LCORL: variants seen among roughly 807,000 people sequenced by gnomAD.
LCORL encodes ligand dependent nuclear receptor corepressor like.
A neutral mutation model predicts 141.8 loss-of-function variants in LCORL; 41 were observed. The observed-to-expected ratio is 0.29, with a 90% CI of 0.23 to 0.38. LCORL has a LOEUF of 0.38. Ranked by LOEUF, LCORL falls within the 10% of genes least tolerant of loss-of-function variation. The pLI is 1.00. For synonymous variants in LCORL, 618 were observed against 694.1 expected (o/e 0.89, Z 1.72); for missense variants, 1,759 against 2,035.0 (o/e 0.86, Z 2.61).
intron 1 of LCORL, among the ~76,000 whole-genome samples, chr4:18,002,986 A>T (rs1038800073): frequency 6.6e-6 from 1 of 152,228 alleles, no homozygotes; most frequent in African/African-American, 2.4e-5. Flanking sequence ...AATCCCAATT[A>T]GCAACAGAAA....
chr4:17,919,359 T>C (rs933279640), intron 4 of LCORL, among the ~76,000 whole-genome samples: 1 of 152,134 alleles, frequency 6.6e-6, no homozygotes, highest in African/African-American at 2.4e-5. Context: ...AGCTCTTTAA[T>C]AAAATGGAGG....
intron 5 of LCORL, among the ~76,000 whole-genome samples, chr4:17,888,993 T>G (rs1369948069): frequency 6.6e-6 from 1 of 152,124 alleles, no homozygotes; most frequent in Non-Finnish European, 1.5e-5. Flanking sequence ...CTAAGCTCTC[T>G]TAGACTTGAT....
intron 4 of LCORL, among the ~76,000 whole-genome samples, chr4:17,947,898 T>C (rs1739137377): frequency 6.6e-6 from 1 of 151,964 alleles, no homozygotes; most frequent in Non-Finnish European, 1.5e-5. Context: ...GAAACTTTTA[T>C]TTTTGCCTGG....
At chr4:17,915,711 G>C (rs934610816) in intron 4 of LCORL, among the ~76,000 whole-genome samples, 1 of 152,212 alleles carries the variant, frequency 6.6e-6, no homozygotes, top group Non-Finnish European at 1.5e-5. Flanking sequence ...CAGTAACTTA[G>C]GAAGTAGAAA....
At chr4:17,900,539 G>A (rs889974773) in intron 5 of LCORL, among the ~76,000 whole-genome samples, 25 of 152,214 alleles carry the variant, frequency 1.6e-4, no homozygotes, top group South Asian at 6.2e-4. Context: ...AGTCACTTTT[G>A]ATATCTTGCT....
chr4:17,916,383 G>A (rs1048091416), intron 4 of LCORL, among the ~76,000 whole-genome samples: 2 of 152,146 alleles, frequency 1.3e-5, no homozygotes, highest in Admixed American at 6.5e-5. Context: ...TAATAATGGG[G>A]CAGATCCCTC....
At chr4:18,004,836 G>A (rs1048997296) in intron 1 of LCORL, among the ~76,000 whole-genome samples, 3 of 152,088 alleles carry the variant, frequency 2.0e-5, no homozygotes, top group Non-Finnish European at 2.9e-5. Flanking sequence ...CAGACATTGG[G>A]TAAATAGAGC....
At position 18,001,846 on chromosome 4, in the gene LCORL, C is replaced by G. The variant is rs1185408931; in HGVS notation, c.154+19752G>C. ...TGGTAACAGGTTCATTAAAATAAAA[C>G]AAATTTTTTTTAAAAGTCTCCCAGA... On this transcript the variant is annotated intron_variant, in intron 1 of 7. Coordinates refer to ENST00000635767, the Ensembl canonical transcript of LCORL. 2.0e-5 allele frequency among the ~76,000 whole-genome samples: 3 copies of G among 152,198 alleles called. No homozygotes were observed. The East Asian group carries it at 5.8e-4, about 29-fold the overall frequency.
At chr4:17,953,504 A>C (rs888182955) in intron 4 of LCORL, among the ~76,000 whole-genome samples, 2 of 152,234 alleles carry the variant, frequency 1.3e-5, no homozygotes, top group Admixed American at 1.3e-4. Context: ...GGAATTTAGA[A>C]TCACTTATAT....
intron 5 of LCORL, among the ~76,000 whole-genome samples, chr4:17,895,884 A>C (rs1390935255): frequency 6.6e-6 from 1 of 152,120 alleles, no homozygotes. Flanking sequence ...ACTCCTTTCT[A>C]TTGTTGAATA....
chr4:17,995,206 T>C (rs1267362897), intron 1 of LCORL, among the ~76,000 whole-genome samples: 1 of 80,362 alleles, frequency 1.2e-5, no homozygotes, highest in Non-Finnish European at 2.2e-5. Context: ...CTTTTAAGCA[T>C]TTTTTTTTTT....
intron 4 of LCORL, among the ~76,000 whole-genome samples, chr4:17,935,726 A>T (rs1194810746): frequency 6.6e-6 from 1 of 152,208 alleles, no homozygotes; most frequent in African/African-American, 2.4e-5. Flanking sequence ...CTTCTTGTGA[A>T]GCCTGCAGAA....
chr4:17,881,056 T>G, intron 6 of LCORL: 1 of 977,922 alleles, frequency 1.0e-6, no homozygotes, highest in African/African-American at 1.8e-5. Flanking sequence ...AAAGTTAGTA[T>G]ACAATTTAAT....
chr4:17,952,050 A>G (rs937359657), intron 4 of LCORL, among the ~76,000 whole-genome samples: 1 of 152,224 alleles, frequency 6.6e-6, no homozygotes, highest in Non-Finnish European at 1.5e-5. Flanking sequence ...CCAGTCATAT[A>G]GCACATATTA....
At chr4:18,008,025 GT>G (rs1723097048) in intron 1 of LCORL, among the ~76,000 whole-genome samples, 2 of 152,128 alleles carry the variant, frequency 1.3e-5, no homozygotes, top group Admixed American at 6.5e-5. Flanking sequence ...GCACAGATAA[GT>G]ACAAGGAAAG....
intron 1 of LCORL, among the ~76,000 whole-genome samples, chr4:18,004,466 G>A (rs6850306): frequency 0.13 from 19,256 of 152,088 alleles, 1,358 homozygotes; most frequent in South Asian, 0.26. Context: ...TTTTAAAACC[G>A]TCCGATCTCA....
chr4:17,895,076 T>C (rs2109267987), intron 5 of LCORL, among the ~76,000 whole-genome samples: 1 of 151,302 alleles, frequency 6.6e-6, no homozygotes, highest in South Asian at 2.1e-4. Context: ...TGACACATAA[T>C]TGAACCTATT....
At chr4:17,923,569 C>T (rs753832917) in intron 4 of LCORL, among the ~76,000 whole-genome samples, 2 of 152,104 alleles carry the variant, frequency 1.3e-5, no homozygotes, top group African/African-American at 4.8e-5. Context: ...TCGCTCGAAC[C>T]CGGGAGGCGG....
intron 7 of LCORL, among the ~76,000 whole-genome samples, chr4:17,852,436 TTG>T (rs1275572525): frequency 6.6e-6 from 1 of 152,098 alleles, no homozygotes; most frequent in Non-Finnish European, 1.5e-5. Context: ...TACAGATTTG[TTG>T]TGACAATTTA....
Sources: allele counts gnomAD v4.1 joint callset (sites outside exome capture counted in the v4.1 genomes callset), GRCh38; gene constraint gnomAD v4.1.1; transcripts MANE v1.5; gene names NCBI Gene and HGNC (gene_info 2026-07-23, HGNC 2026-07-21).